UBE2W: variants seen among roughly 807,000 people sequenced by gnomAD.
UBE2W encodes ubiquitin-conjugating enzyme E2 W.
Under a neutral mutation model 27.2 loss-of-function variants are expected in UBE2W, and 18 were observed. The observed-to-expected ratio is 0.66, with a 90% confidence interval of 0.46 to 0.98. UBE2W has a LOEUF of 0.98. Among genes scored for constraint, UBE2W ranks in the 50% least tolerant of loss-of-function variants. The pLI is 0.00. For synonymous variants in UBE2W, 53 were observed against 57.2 expected, an observed-to-expected ratio of 0.93 and a Z score of 0.33; for missense variants, 90 against 180.2, an observed-to-expected ratio of 0.50 and a Z score of 2.87.
intron 5 of UBE2W, chr8:73,796,632 A>T: frequency 2.0e-6 from 2 of 984,822 alleles, no homozygotes; most frequent in Non-Finnish European, 1.2e-6. Flanking sequence ...TTTTGAAGAA[A>T]CAAATGATCT....
chr8:73,806,128 C>A (rs1808894424), intron 4 of UBE2W, among the ~76,000 whole-genome samples: 2 of 151,822 alleles, frequency 1.3e-5, no homozygotes, highest in Admixed American at 6.6e-5. Flanking sequence ...GCACTCCAGC[C>A]TGACAACAGA....
chr8:73,782,736 G>A (rs1807866837), downstream of UBE2W, among the ~76,000 whole-genome samples: 2 of 152,290 alleles, frequency 1.3e-5, no homozygotes, highest in South Asian at 2.1e-4. Context: ...AAACATTAGT[G>A]TACAAGGCCT....
intron 1 of UBE2W, among the ~76,000 whole-genome samples, chr8:73,840,747 C>A (rs1810505267): frequency 6.6e-6 from 1 of 152,104 alleles, no homozygotes; most frequent in African/African-American, 2.4e-5. Context: ...CTCTCCGATA[C>A]TCAGGTATAA....
intron 1 of UBE2W, among the ~76,000 whole-genome samples, chr8:73,839,215 A>T (rs1810428584): frequency 6.6e-6 from 1 of 152,278 alleles, no homozygotes; most frequent in African/African-American, 2.4e-5. Context: ...TAGGTACATC[A>T]GTACTGAAAA....
At chr8:73,869,536 C>A (rs1249204462) in intron 1 of UBE2W, among the ~76,000 whole-genome samples, 1 of 152,126 alleles carries the variant, frequency 6.6e-6, no homozygotes, top group African/African-American at 2.4e-5. Flanking sequence ...ACTAAAAATA[C>A]AAAAATTAGC....
chr8:73,866,287 AAAAATAT>A (rs1227846454), intron 1 of UBE2W, among the ~76,000 whole-genome samples: 52 of 103,954 alleles, frequency 5.0e-4, no homozygotes, highest in African/African-American at 8.9e-4. Flanking sequence ...AAAAAAAAAA[AAAAATAT>A]ATATATATAT....
At chr8:73,784,005 C>G (rs1219663339), downstream of UBE2W, among the ~76,000 whole-genome samples, 1 of 152,160 alleles carries the variant, frequency 6.6e-6, no homozygotes, top group South Asian at 2.1e-4. Flanking sequence ...CCCGTCTCAG[C>G]CTCCCAGAGT....
intron 1 of UBE2W, among the ~76,000 whole-genome samples, chr8:73,854,926 G>C (rs1376792158): frequency 6.6e-6 from 1 of 152,166 alleles, no homozygotes; most frequent in Non-Finnish European, 1.5e-5. Context: ...TAAGAAAATC[G>C]TAAGGAAGAG....
chr8:73,789,796 C>G lies in UBE2W; in HGVS notation c.*4306G>C, dbSNP rs1166323180. The G allele has an allele frequency of 1.8e-6, 1 of 566,108 alleles. No homozygotes were observed. The highest frequency in any genetic ancestry group is 6.4e-5 in the Admixed American group (1 of 15,694). 35.1% of individuals were successfully genotyped at this position (566,108 alleles called of 1,614,324 possible). A position where few individuals can be genotyped will look rare whatever the true frequency, so the allele number is the denominator to read the frequency against. ...GAGATTGAAATGAGCCAAGATCGTG[C>G]ACTGCACTAAAGCCCGGGTGACAGA... On this transcript the variant is annotated 3_prime_UTR_variant, in exon 6 of 6. Transcript: ENST00000602593.
At chr8:73,864,223 G>A (rs1431325054) in intron 1 of UBE2W, among the ~76,000 whole-genome samples, 1 of 152,020 alleles carries the variant, frequency 6.6e-6, no homozygotes, top group Admixed American at 6.6e-5. Context: ...GCGAAACCTC[G>A]TCTCTACTAA....
chr8:73,872,875 T>A (rs931388021), intron 1 of UBE2W, among the ~76,000 whole-genome samples: 1 of 152,074 alleles, frequency 6.6e-6, no homozygotes, highest in Non-Finnish European at 1.5e-5. Context: ...ATTTTTACTG[T>A]TCAAAGATAA....
chr8:73,817,280 A>G (rs572103834), intron 3 of UBE2W, among the ~76,000 whole-genome samples: 2 of 152,270 alleles, frequency 1.3e-5, no homozygotes, highest in Non-Finnish European at 1.5e-5. Context: ...ATGAGCCAAG[A>G]TCATGCCACT....
At position 73,798,636 on chromosome 8, in the gene UBE2W, C is replaced by A. The variant is rs1808517186; in HGVS notation, c.443-4521G>T. On this transcript the variant is annotated intron_variant, in intron 5 of 5. Coordinates refer to ENST00000602593, the MANE Select transcript of UBE2W (RefSeq NM_018299.6). The stretch of plus-strand genomic sequence containing the variant: ...TATGCCTGATACTGACCTCAGAAAA[C>A]AAATGGACCATACAACTAATGGACT... 2.0e-5 allele frequency among the ~76,000 whole-genome samples: 3 copies of A among 152,142 alleles called. No individual in the cohort carries two copies. In the South Asian group the frequency reaches 6.2e-4, roughly 31 times the overall value.
intron 1 of UBE2W, among the ~76,000 whole-genome samples, chr8:73,849,240 G>A (rs1185193875): frequency 3.9e-5 from 6 of 152,088 alleles, no homozygotes; most frequent in African/African-American, 7.2e-5. Context: ...GGCCAGGAGC[G>A]GTGGCTCACT....
intron 5 of UBE2W, among the ~76,000 whole-genome samples, chr8:73,797,602 G>T (rs1352729115): frequency 6.6e-6 from 1 of 152,174 alleles, no homozygotes; most frequent in Non-Finnish European, 1.5e-5. Flanking sequence ...TATACAGCAG[G>T]AAGAAAAGGA....
At position 73,815,155 on chromosome 8, in the gene UBE2W, T is replaced by C. The variant is rs554164184; in HGVS notation, c.211-4526A>G. Among the ~76,000 whole-genome samples, 5 of 152,216 alleles carry C rather than the reference T, an allele frequency of 3.3e-5. No homozygotes were observed. In the East Asian group the frequency reaches 9.7e-4, roughly 29 times the overall value. ...ACTTTGGGAGGTCAATGTGGGAGGA[T>C]CACTTGAGCCCTGGAGCTCAAGACC... On this transcript the variant is annotated intron_variant, in intron 3 of 5. Transcript: ENST00000602593.
rs770978942 is a variant in UBE2W, at chr8:73,810,540, G to C, written c.300C>G (p.Ser100=). The C allele has an allele frequency of 6.2e-7, 1 of 1,612,828 alleles. No homozygotes were observed. Among genetic ancestry groups the C allele is most frequent in the Non-Finnish European group, 8.5e-7 (1 of 1,179,480 alleles). The change falls in exon 4 of 6, where the codon TCC becomes TCG. Residue 100 remains serine (S), a synonymous_variant. Coordinates refer to ENST00000602593, the MANE Select transcript of UBE2W (RefSeq NM_018299.6). ...ICLSILTEDW[S]PALSVQSVCL... ...AAACTGATTGGACTGAGAGCGCTGG[G>C]GACCAGTCTTCTGTTAGAATGGATA...
chr8:73,816,153 A>G (rs1809375614), intron 3 of UBE2W, among the ~76,000 whole-genome samples: 1 of 152,206 alleles, frequency 6.6e-6, no homozygotes, highest in South Asian at 2.1e-4. Context: ...GCTATAGTGC[A>G]AAGACAAAAT....
chr8:73,808,518 C>A (rs2130870109), intron 4 of UBE2W, among the ~76,000 whole-genome samples: 2 of 152,366 alleles, frequency 1.3e-5, no homozygotes, highest in African/African-American at 4.8e-5. Context: ...CAGGCGTGAG[C>A]CACTGCACCT....
Sources: allele counts gnomAD v4.1 joint callset (sites outside exome capture counted in the v4.1 genomes callset), GRCh38; gene constraint gnomAD v4.1.1; transcripts MANE v1.5; gene names NCBI Gene and HGNC (gene_info 2026-07-23, HGNC 2026-07-21).